LIAS: variants seen among roughly 807,000 people sequenced by gnomAD.
LIAS encodes the protein lipoic acid synthetase.
A neutral mutation model predicts 49.4 loss-of-function variants in LIAS; 36 were observed. That is an observed-to-expected ratio of 0.73 (90% CI 0.56 to 0.96). The LOEUF (loss-of-function observed/expected upper bound fraction) is 0.96. LIAS is among the 40% of genes least tolerant of loss of function. The probability of loss-of-function intolerance (pLI) is 0.00; values close to 1 mark genes in which losing one functional copy is unlikely to be tolerated. For missense variants in LIAS, 399 were observed against 456.3 expected (o/e 0.87, Z 1.14); for synonymous variants, 145 against 155.8 (o/e 0.93, Z 0.52).
chr4:39,474,262 C>CAAAAAAAAAAA (rs34137564), intron 10 of LIAS, among the ~76,000 whole-genome samples: 1 of 92,406 alleles, frequency 1.1e-5, no homozygotes, highest in African/African-American at 4.3e-5. Context: ...GACTCTGTCT[C>CAAAAAAAAAAA]AAAAAAAAAA....
chr4:39,462,303 G>GTCAACAAAGT lies in LIAS; in HGVS notation c.312+15_312+16insCAACAAAGTT. 7.5e-7 allele frequency: 1 copy of GTCAACAAAGT among 1,326,104 alleles called. No homozygotes were observed. The highest frequency in any genetic ancestry group is 1.4e-5 in the South Asian group (1 of 72,654). The allele number at this position is 1,326,104 out of a possible 1,614,324, so 82.1% of individuals were successfully genotyped here. On this transcript the variant is annotated intron_variant, in intron 3 of 10. Coordinates refer to ENST00000640888, the MANE Select transcript of LIAS (RefSeq NM_006859.4). ...AATCTCCATACAGTAAGTTGTCAAA[G>GTCAACAAAGT]TGTAAACTATCCCTCTTCACCAAAA...
intron 4 of LIAS, 192 bp downstream of exon 4, chr4:39,463,797 C>G: frequency 8.7e-7 from 1 of 1,145,208 alleles, no homozygotes; most frequent in Non-Finnish European, 1.1e-6. Context: ...CTGAATAAAT[C>G]TATTATTGGT....
intron 2 of LIAS, 89 bp from the exon 3 acceptor site, chr4:39,462,107 G>T: frequency 2.0e-6 from 1 of 499,898 alleles, no homozygotes. Context: ...TTATTAACTA[G>T]GAATTGTAAT....
At chr4:39,462,382 T>C in intron 3 of LIAS, 93 bp downstream of exon 3, 1 of 401,708 alleles carries the variant, frequency 2.5e-6, no homozygotes, top group Non-Finnish European at 4.3e-6. Context: ...ATATAAATAA[T>C]AGCAAAGAAA....
intron 9 of LIAS, among the ~76,000 whole-genome samples, chr4:39,471,549 C>A (rs1336921783): frequency 1.6e-5 from 1 of 61,086 alleles, no homozygotes; most frequent in Non-Finnish European, 3.1e-5. Context: ...TTTTTTGAGA[C>A]GGAGTCTCGC....
At chr4:39,464,882 CAT>C (rs1744698692) in intron 4 of LIAS, among the ~76,000 whole-genome samples, 162 bp from the exon 5 acceptor site, 1 of 152,158 alleles carries the variant, frequency 6.6e-6, no homozygotes, top group African/African-American at 2.4e-5. Flanking sequence ...AGTTTTATCA[CAT>C]ATATTTATGT....
At chr4:39,463,847 G>A (rs1170784318) in intron 4 of LIAS, 1 of 661,494 alleles carries the variant, frequency 1.5e-6, no homozygotes, top group East Asian at 4.0e-5. Context: ...GCTGCCTTGA[G>A]ATACCTCTCC....
Position 39,467,604 on chromosome 4 carries a change from A to G in LIAS, c.695A>G (p.Asp232Gly). Residue 232 changes from aspartate (D) to glycine (G), a missense_variant, in exon 7 of 11, where the codon GAT becomes GGT. Physicochemically the swap from Asp to Gly is moderately conservative, Grantham distance 94 (BLOSUM62 -1). Transcript: ENST00000640888. Reference protein sequence around the residue: ...AIEKVALSGLDVYAHNVETVP... With the variant: ...AIEKVALSGLGVYAHNVETVP... ...GAAAAAGTTGCTCTGTCAGGATTAG[A>G]TGTGTATGCACATAATGTAGAAACA... The G allele has an allele frequency of 6.2e-7, 1 of 1,605,188 alleles. No individual in the cohort carries two copies.
In LIAS at chr4:39,470,079, G is replaced by A. The variant is rs1345710016; in HGVS notation, c.798G>A (p.Lys266=). 1 of 1,614,040 alleles carries A rather than the reference G, an allele frequency of 6.2e-7. No homozygotes were observed. Among genetic ancestry groups the A allele is most frequent in the African/African-American group, 1.3e-5 (1 of 75,042 alleles). Residue 266 remains lysine, a synonymous_variant, in exon 8 of 11, where the codon AAG becomes AAA. Coordinates refer to ENST00000640888, the MANE Select transcript of LIAS (RefSeq NM_006859.4). ...DQSLRVLKHA[K]KVQPDVISKT... ...CCCTACGTGTACTGAAACATGCCAA[G>A]AAGGTTCAGCCTGATGTTATTTCTA...
At chr4:39,470,511 C>G (rs976661778) in intron 8 of LIAS, 1 of 208,994 alleles carries the variant, frequency 4.8e-6, no homozygotes, top group African/African-American at 2.3e-5. Context: ...AGCCTGGTAC[C>G]AGGCACTGAC....
At chr4:39,475,527 A>G (rs1745165272) in intron 10 of LIAS, 1 of 152,132 alleles carries the variant, frequency 6.6e-6, no homozygotes, top group South Asian at 2.1e-4. Flanking sequence ...GAAAAAATTA[A>G]TGCTCCAGTA....
chr4:39,473,224 G>C lies in LIAS; in HGVS notation c.1066+13G>C. ...TCATATAAAGCAGGTAAGTTAGATT[G>C]TGGGGCATGGTTTCATTTAGGCCGT... On this transcript the variant is annotated intron_variant, in intron 10 of 10. Transcript: ENST00000640888. 6.7e-7 allele frequency: 1 copy of C among 1,492,374 alleles called. No individual in the cohort carries two copies. Among genetic ancestry groups the C allele is most frequent in the Non-Finnish European group, 9.4e-7 (1 of 1,069,172 alleles). The allele number at this position is 1,492,374 out of a possible 1,614,324, so 92.4% of individuals were successfully genotyped here.
chr4:39,471,253 G>T lies in LIAS; in HGVS notation c.901G>T (p.Val301Leu). ...ATMKALREAD[V>L]DCLTLGQYMQ... is the part of the protein sequence containing the mutation. ...TCCTACAGCACTTCGTGAGGCAGAT[G>T]TAGACTGCTTGACTTTAGGACAATA... The change falls in exon 9 of 11, where the codon GTA becomes TTA. Residue 301 changes from valine to leucine, a missense_variant. Physicochemically the swap from Val to Leu is conservative, Grantham distance 32. Transcript: ENST00000640888. 1 of 1,609,274 alleles carries T rather than the reference G, an allele frequency of 6.2e-7. No homozygotes were observed. Among genetic ancestry groups the T allele is most frequent in the South Asian group, 1.1e-5 (1 of 90,936 alleles).
At chr4:39,472,124 TAC>T (rs150010225) in intron 9 of LIAS, among the ~76,000 whole-genome samples, 47,192 of 149,818 alleles carry the variant, frequency 0.31, 7,375 homozygotes, top group Admixed American at 0.33. Flanking sequence ...CACACACATA[TAC>T]ACACACACAC....
intron 6 of LIAS, among the ~76,000 whole-genome samples, chr4:39,465,791 T>C (rs1744733412): frequency 6.6e-6 from 1 of 152,014 alleles, no homozygotes; most frequent in South Asian, 2.1e-4. Flanking sequence ...CCCGAGTAGC[T>C]GGGATTAGAG....
In LIAS at chr4:39,470,001, A is replaced by G; in HGVS notation, c.738-18A>G. On this transcript the variant is annotated intron_variant, in intron 7 of 10. Coordinates refer to ENST00000640888, the MANE Select transcript of LIAS (RefSeq NM_006859.4). ...TGAACTTGTAATTCTTGCTGACAAC[A>G]GTCCTGCTGTTTTCCAGTAAGGTTC... 6.3e-7 allele frequency: 1 copy of G among 1,595,594 alleles called. No homozygotes were observed. Among genetic ancestry groups the G allele is most frequent in the South Asian group, 1.1e-5 (1 of 89,072 alleles).
intron 6 of LIAS, among the ~76,000 whole-genome samples, chr4:39,465,825 A>G (rs996952361): frequency 6.6e-6 from 1 of 151,002 alleles, no homozygotes; most frequent in African/African-American, 2.4e-5. Context: ...AGCTCAGCTA[A>G]TTTTTGTACT....
At chr4:39,471,157 T>G in intron 8 of LIAS, 79 bp from the exon 9 acceptor site, 1 of 1,083,280 alleles carries the variant, frequency 9.2e-7, no homozygotes, top group South Asian at 1.3e-5. Context: ...ACACCGTTTT[T>G]AAATATTCCT....
At chr4:39,461,105 C>T in intron 2 of LIAS, 143 bp downstream of exon 2, 1 of 672,684 alleles carries the variant, frequency 1.5e-6, no homozygotes, top group East Asian at 2.9e-5. Flanking sequence ...GATAACAGAA[C>T]TAGATAGAAC....
Sources: gnomAD v4.1 joint callset for allele counts (sites outside exome capture counted in the v4.1 genomes callset) on GRCh38, gnomAD v4.1.1 for gene constraint, MANE v1.5 for transcripts, NCBI Gene and HGNC (gene_info 2026-07-23, HGNC 2026-07-21) for gene names.